Variants in IQANK1 observed in about 807,000 individuals in gnomAD.
The protein encoded by IQANK1 is IQ motif and ankyrin repeat containing 1, also known as IQ motif and ankyrin repeat domain-containing protein 1.
In IQANK1, 30 loss-of-function variants were observed where a neutral mutation model predicts 22.6. That is an observed-to-expected ratio of 1.33 (90% CI 0.99 to 1.80). The LOEUF (loss-of-function observed/expected upper bound fraction) is 1.80. Ranked by LOEUF, IQANK1 falls within the 40% of genes most tolerant of loss-of-function variation. The pLI, the probability that IQANK1 is intolerant of heterozygous loss-of-function variation, is 0.00. For synonymous variants in IQANK1, 122 were observed against 99.6 expected, an observed-to-expected ratio of 1.23 and a Z score of -1.34; for missense variants, 275 against 235.2, an observed-to-expected ratio of 1.17 and a Z score of -1.11.
chr8:143,751,644 G>GTA (rs1819191142), intron 3 of IQANK1, among the ~76,000 whole-genome samples: 1 of 33,108 alleles, frequency 3.0e-5, no homozygotes, highest in Non-Finnish European at 6.9e-5. Flanking sequence ...GTGTGTGTGT[G>GTA]TGTGTGTGTG....
chr8:143,746,230 G>T (rs1159064739), intron 3 of IQANK1: 3 of 152,256 alleles, frequency 2.0e-5, no homozygotes, highest in African/African-American at 7.2e-5. Context: ...CATTTGCCTT[G>T]TTCCTAACCT....
chr8:143,754,439 G>A (rs576293845), intron 3 of IQANK1, among the ~76,000 whole-genome samples: 4 of 152,274 alleles, frequency 2.6e-5, no homozygotes, highest in Admixed American at 2.0e-4. Context: ...GGAAGGATGC[G>A]CCTGCAAGCT....
chr8:143,754,754 C>T (rs1819258101), intron 3 of IQANK1, among the ~76,000 whole-genome samples: 1 of 152,014 alleles, frequency 6.6e-6, no homozygotes, highest in Non-Finnish European at 1.5e-5. Context: ...GCCTCCTGAG[C>T]AGCTGGGACT....
intron 3 of IQANK1, among the ~76,000 whole-genome samples, chr8:143,740,819 C>T (rs567219950): frequency 6.6e-6 from 1 of 152,372 alleles, no homozygotes; most frequent in South Asian, 2.1e-4. Context: ...GGAGCCTGAC[C>T]CTGTCCTGAG....
At position 143,789,774 on chromosome 8, in the gene IQANK1, C is replaced by CA; in HGVS notation, c.1101dup (p.Glu368ArgfsTer69). 8.1e-7 allele frequency: 1 copy of CA among 1,232,146 alleles called. No homozygotes were observed. Among genetic ancestry groups the CA allele is most frequent in the Non-Finnish European group, 1.0e-6 (1 of 988,084 alleles). The allele number at this position is 1,232,146 out of a possible 1,614,324, so 76.3% of individuals were successfully genotyped here. A position where few individuals can be genotyped will look rare whatever the true frequency, so the allele number is the denominator to read the frequency against. On this transcript the variant is annotated frameshift_variant, in exon 11 of 14. Coordinates refer to ENST00000527139, the MANE Select transcript of IQANK1 (RefSeq NM_001381874.1). LOFTEE classifies it high-confidence loss of function. ...CTCCTCCTCCAGGCCATCAAGGACA[C>CA]AGAGGCCCAGGTGGACAGGCTGCGG...
At chr8:143,772,553 C>T (rs1247600647) in intron 7 of IQANK1, 71 bp downstream of exon 7, 21 of 398,354 alleles carry the variant, frequency 5.3e-5, no homozygotes, top group African/African-American at 1.9e-4. Flanking sequence ...GAGGTGTGAG[C>T]CCCGGGAGGT....
chr8:143,764,027 TGG>T (rs1819442006), intron 3 of IQANK1, among the ~76,000 whole-genome samples: 1 of 152,156 alleles, frequency 6.6e-6, no homozygotes, highest in South Asian at 2.1e-4. Flanking sequence ...GTAGCTGATC[TGG>T]GAATAGAAGG....
chr8:143,741,628 G>T (rs1278732630), intron 3 of IQANK1: 2 of 152,380 alleles, frequency 1.3e-5, no homozygotes, highest in African/African-American at 4.8e-5. Flanking sequence ...CCTCCAGACG[G>T]CGGGCTCAGG....
intron 3 of IQANK1, among the ~76,000 whole-genome samples, chr8:143,765,546 G>A (rs1819468981): frequency 6.6e-6 from 1 of 152,188 alleles, no homozygotes; most frequent in African/African-American, 2.4e-5. Flanking sequence ...TCTGGGAAAT[G>A]CCTGTTCATC....
chr8:143,754,260 G>A (rs1563772223), intron 3 of IQANK1, among the ~76,000 whole-genome samples: 1 of 152,176 alleles, frequency 6.6e-6, no homozygotes, highest in African/African-American at 2.4e-5. Flanking sequence ...AGGAGCCATT[G>A]CTGCTTAACA....
Position 143,735,550 on chromosome 8 carries a change from A to G in IQANK1, c.-4-300A>G, listed in dbSNP as rs1450048874. 1.3e-5 allele frequency among the ~76,000 whole-genome samples: 2 copies of G among 152,112 alleles called. No individual in the cohort carries two copies. Among genetic ancestry groups the G allele is most frequent in the African/African-American group, 4.8e-5 (2 of 41,418 alleles). On this transcript the variant is annotated intron_variant, in intron 1 of 13. Coordinates refer to ENST00000527139, the MANE Select transcript of IQANK1 (RefSeq NM_001381874.1). This position sits in a 1 kb window ranked among gnomAD's most constrained non-coding sequence, Gnocchi z 5.2. Reference sequence around the variant, plus strand: ...AGCTTGGGGCAGGGAGAAGAGTGCTAGACTCCAGATCCTGCGCCCGGCAGG... The same window carrying G: ...AGCTTGGGGCAGGGAGAAGAGTGCTGGACTCCAGATCCTGCGCCCGGCAGG...
chr8:143,751,275 A>G (rs1587478155), intron 3 of IQANK1, among the ~76,000 whole-genome samples: 1 of 152,238 alleles, frequency 6.6e-6, no homozygotes, highest in East Asian at 1.9e-4. Context: ...TTACAAACCA[A>G]AATTATAGTA....
intron 2 of IQANK1, among the ~76,000 whole-genome samples, chr8:143,737,567 G>A (rs1390352994): frequency 6.6e-6 from 1 of 152,186 alleles, no homozygotes; most frequent in East Asian, 1.9e-4. Context: ...GGCCTCCACA[G>A]GCATCCCTAG....
chr8:143,749,055 TATAA>T (rs1383054418), intron 3 of IQANK1, among the ~76,000 whole-genome samples: 2 of 121,720 alleles, frequency 1.6e-5, no homozygotes, highest in African/African-American at 3.3e-5. Context: ...ATATATTAAA[TATAA>T]ATATATATCA....
intron 7 of IQANK1, among the ~76,000 whole-genome samples, chr8:143,777,143 T>C (rs60985780): frequency 0.041 from 6,026 of 148,778 alleles, 364 homozygotes; most frequent in African/African-American, 0.13. Flanking sequence ...CACATATATA[T>C]ACACACACAT....
intron 3 of IQANK1, among the ~76,000 whole-genome samples, chr8:143,751,338 A>T (rs1819184430): frequency 6.6e-6 from 1 of 152,026 alleles, no homozygotes; most frequent in Non-Finnish European, 1.5e-5. Flanking sequence ...TGGGCTGGGC[A>T]TGGTGGCTCA....
At chr8:143,751,403 G>A (rs1819185158) in intron 3 of IQANK1, among the ~76,000 whole-genome samples, 1 of 151,812 alleles carries the variant, frequency 6.6e-6, no homozygotes, top group Non-Finnish European at 1.5e-5. Flanking sequence ...CCTGAGGTCA[G>A]GAGTTCAAGA....
At chr8:143,785,699 A>G (rs1819872680) in intron 7 of IQANK1, among the ~76,000 whole-genome samples, 1 of 149,988 alleles carries the variant, frequency 6.7e-6, no homozygotes, top group Non-Finnish European at 1.5e-5. Flanking sequence ...AGCTAAGACT[A>G]CAGGCTTGAG....
chr8:143,741,725 G>A (rs114791939), intron 3 of IQANK1: 4,191 of 153,022 alleles, frequency 0.027, 192 homozygotes, highest in African/African-American at 0.096. Context: ...AGTCCATGCC[G>A]CTGACTCAGC....
Sources: gnomAD v4.1 joint callset for allele counts (sites outside exome capture counted in the v4.1 genomes callset) on GRCh38, gnomAD v4.1.1 for gene constraint, Gnocchi (gnomAD v3.1) non-coding constraint, MANE v1.5 for transcripts, NCBI Gene and HGNC (gene_info 2026-07-23, HGNC 2026-07-21) for gene names.